The following PRKCB variants were observed in gnomAD, a reference collection of about 807,000 sequenced individuals.
The protein encoded by PRKCB is protein kinase C beta type.
A neutral mutation model predicts 81.5 loss-of-function variants in PRKCB; 13 were observed. The ratio of observed to expected loss-of-function variants is 0.16; its 90% confidence interval spans 0.10 to 0.25. The LOEUF is 0.25. Ranked by LOEUF, PRKCB falls within the 10% of genes least tolerant of loss-of-function variation. PRKCB has a pLI of 1.00. For missense variants in PRKCB, 509 were observed against 875.7 expected (o/e 0.58, Z 5.29); for synonymous variants, 335 against 321.4 (o/e 1.04, Z -0.45).
chr16:24,178,985 A>G (rs1006632896), intron 12 of PRKCB, among the ~76,000 whole-genome samples: 1 of 152,172 alleles, frequency 6.6e-6, no homozygotes, highest in African/African-American at 2.4e-5. Flanking sequence ...GGCACATTTT[A>G]TCACCCTCCC....
At chr16:24,195,953 C>A (rs915966706) in intron 16 of PRKCB, among the ~76,000 whole-genome samples, 6 of 152,166 alleles carry the variant, frequency 3.9e-5, no homozygotes, top group Admixed American at 3.9e-4. Flanking sequence ...GCCCGAAGCC[C>A]TTTCCTATGC....
At chr16:23,899,428 G>A (rs574625689) in intron 2 of PRKCB, among the ~76,000 whole-genome samples, 1 of 152,298 alleles carries the variant, frequency 6.6e-6, no homozygotes, top group East Asian at 1.9e-4. Context: ...CTCTGCTGAG[G>A]ATCAGGGCCA....
chr16:23,978,125 G>A (rs2141810227), intron 2 of PRKCB, among the ~76,000 whole-genome samples: 1 of 152,256 alleles, frequency 6.6e-6, no homozygotes, highest in Non-Finnish European at 1.5e-5. Context: ...CCAGCTAAGA[G>A]AGCTTATAAA....
rs184470612 is a variant in PRKCB at position 23,987,291 on chromosome 16, G to A, written c.206-1217G>A. On this transcript the variant is annotated intron_variant, in intron 2 of 16. Coordinates refer to ENST00000643927, the MANE Select transcript of PRKCB (RefSeq NM_002738.7). ...TTCTTAAATTCCTTTGAAAATATAC[G>A]TTTCTCGTCCTATTTTCTCCCCACT... Among the ~76,000 whole-genome samples, 1,391 of 150,434 alleles carry A rather than the reference G, an allele frequency of 9.2e-3. 14 individuals are homozygous for A. The highest frequency in any genetic ancestry group is 0.014 in the Non-Finnish European group (968 of 67,874).
chr16:24,200,919 T>TTTA (rs1281856757), intron 16 of PRKCB, among the ~76,000 whole-genome samples: 1 of 151,998 alleles, frequency 6.6e-6, no homozygotes, highest in Non-Finnish European at 1.5e-5. Context: ...TATATTATTA[T>TTTA]TTATTATTAT....
In PRKCB at chr16:23,899,858, T is replaced by G. The variant is rs111840262; in HGVS notation, c.205+62452T>G. Reference sequence around the variant, plus strand: ...ATTTATTTATTTATTTATTTATTTATTTATTTATTGTAGAGATAGGGCCTT... The same window carrying G: ...ATTTATTTATTTATTTATTTATTTAGTTATTTATTGTAGAGATAGGGCCTT... On this transcript the variant is annotated intron_variant, in intron 2 of 16. Transcript: ENST00000643927. Among the ~76,000 whole-genome samples the G allele has an allele frequency of 3.7e-3, 46 of 12,564 alleles. 15 individuals are homozygous for G. The highest frequency in any genetic ancestry group is 7.5e-3 in the African/African-American group (45 of 5,988). The allele number at this position is 12,564 out of a possible 152,430, so 8.2% of individuals were successfully genotyped here.
At chr16:24,116,846 A>G (rs1048693688) in intron 8 of PRKCB, among the ~76,000 whole-genome samples, 20 of 152,178 alleles carry the variant, frequency 1.3e-4, no homozygotes, top group African/African-American at 4.8e-4. Flanking sequence ...ACCAAGTCTC[A>G]GTTTTGCAAA....
chr16:24,131,836 C>T (rs1966853749), intron 9 of PRKCB, among the ~76,000 whole-genome samples: 1 of 152,108 alleles, frequency 6.6e-6, no homozygotes, highest in African/African-American at 2.4e-5. Flanking sequence ...GAAAAACTGT[C>T]ATAAAATCTT....
At chr16:23,969,758 C>T (rs775433507) in intron 2 of PRKCB, among the ~76,000 whole-genome samples, 6 of 152,150 alleles carry the variant, frequency 3.9e-5, no homozygotes, top group Non-Finnish European at 8.8e-5. Flanking sequence ...TAGAAAAATT[C>T]TCTGTGGGAT....
intron 9 of PRKCB, among the ~76,000 whole-genome samples, chr16:24,125,038 T>C (rs1333546258): frequency 6.6e-6 from 1 of 150,798 alleles, no homozygotes; most frequent in African/African-American, 2.4e-5. Flanking sequence ...TTACCTATAA[T>C]TAATCCCAAT....
At chr16:24,126,660 G>C (rs1966844829) in intron 9 of PRKCB, among the ~76,000 whole-genome samples, 2 of 151,140 alleles carry the variant, frequency 1.3e-5, no homozygotes, top group African/African-American at 4.9e-5. Flanking sequence ...TCTACCTCCA[G>C]GGTTCAAGTG....
At chr16:24,022,593 G>A (rs1044332266) in intron 3 of PRKCB, among the ~76,000 whole-genome samples, 2 of 152,086 alleles carry the variant, frequency 1.3e-5, no homozygotes, top group Non-Finnish European at 2.9e-5. Context: ...CCGGGTTCAT[G>A]CCATTATCCT....
chr16:24,176,252 T>A (rs1967529246), intron 12 of PRKCB, among the ~76,000 whole-genome samples: 1 of 152,058 alleles, frequency 6.6e-6, no homozygotes, highest in African/African-American at 2.4e-5. Context: ...TGGTTTTACT[T>A]GGCATGTGGG....
At chr16:24,128,627 G>C (rs1446665827) in intron 9 of PRKCB, among the ~76,000 whole-genome samples, 1 of 152,182 alleles carries the variant, frequency 6.6e-6, no homozygotes, top group East Asian at 1.9e-4. Flanking sequence ...GGCATGGCTG[G>C]CTTACTCGGA....
rs1292055630 is a variant in PRKCB at position 24,093,020 on chromosome 16, C to T, written c.686+73C>T. The T allele has an allele frequency of 2.0e-6, 3 of 1,480,756 alleles. No individual in the cohort carries two copies. In the East Asian group the frequency reaches 7.1e-5, roughly 35 times the overall value. The allele number at this position is 1,480,756 out of a possible 1,614,324, so 91.7% of individuals were successfully genotyped here. ...TGTGCCACCTGAAATCAGGGAGTTCCTCCTCCCTTAGCTCCTGTTTCCTTC... is the reference window on the plus strand; with the variant it reads ...TGTGCCACCTGAAATCAGGGAGTTCTTCCTCCCTTAGCTCCTGTTTCCTTC... On this transcript the variant is annotated intron_variant, in intron 6 of 16. Coordinates refer to ENST00000643927, the MANE Select transcript of PRKCB (RefSeq NM_002738.7).
At chr16:23,909,429 T>C (rs1202914072) in intron 2 of PRKCB, among the ~76,000 whole-genome samples, 2 of 152,172 alleles carry the variant, frequency 1.3e-5, no homozygotes, top group Non-Finnish European at 2.9e-5. Context: ...TATTCTCACG[T>C]GGCAGAGAGC....
At chr16:23,924,741 T>C (rs1963873972) in intron 2 of PRKCB, among the ~76,000 whole-genome samples, 1 of 152,076 alleles carries the variant, frequency 6.6e-6, no homozygotes. Flanking sequence ...AGAGAGTAGA[T>C]TTTAAGTGTT....
intron 2 of PRKCB, among the ~76,000 whole-genome samples, chr16:23,944,541 T>G (rs1392294731): frequency 6.6e-6 from 1 of 152,198 alleles, no homozygotes; most frequent in Non-Finnish European, 1.5e-5. Flanking sequence ...AATCTAACTC[T>G]ACTTATGGGG....
chr16:24,200,363 A>C (rs1051097079), intron 16 of PRKCB, among the ~76,000 whole-genome samples: 1 of 150,222 alleles, frequency 6.7e-6, no homozygotes, highest in Admixed American at 6.6e-5. Context: ...GAGTCTGTTT[A>C]TCTCTCTCCA....
Sources: gnomAD v4.1 joint callset for allele counts (sites outside exome capture counted in the v4.1 genomes callset) on GRCh38, gnomAD v4.1.1 for gene constraint, MANE v1.5 for transcripts, NCBI Gene and HGNC (gene_info 2026-07-23, HGNC 2026-07-21) for gene names.